FRMD6: variants seen among roughly 807,000 people sequenced by gnomAD.
FRMD6 encodes FERM domain containing 6.
In FRMD6, 37 loss-of-function variants were observed where a neutral mutation model predicts 73.2. That is an observed-to-expected ratio of 0.51 (90% CI 0.39 to 0.66). The LOEUF (loss-of-function observed/expected upper bound fraction) is 0.66, where lower values mean the gene tolerates loss of function less well. Among genes scored for constraint, FRMD6 ranks in the 30% least tolerant of loss-of-function variants. The pLI, the probability that FRMD6 is intolerant of heterozygous loss-of-function variation, is 0.00. For missense variants in FRMD6, 714 were observed against 780.5 expected, an observed-to-expected ratio of 0.91 and a Z score of 1.02; for synonymous variants, 273 against 282.2, an observed-to-expected ratio of 0.97 and a Z score of 0.33.
intron 4 of FRMD6, among the ~76,000 whole-genome samples, chr14:51,702,010 C>T (rs1896354372): frequency 6.6e-6 from 1 of 151,918 alleles, no homozygotes; most frequent in Non-Finnish European, 1.5e-5. Context: ...CCTAGATCCT[C>T]TAATTTGTAT....
chr14:51,523,900 C>A (rs12435453), intron 1 of FRMD6, among the ~76,000 whole-genome samples: 18,014 of 152,092 alleles, frequency 0.12, 1,180 homozygotes, highest in East Asian at 0.26. Flanking sequence ...TAGTAAAATG[C>A]CTATGGTGGA....
At chr14:51,400,585 C>T in the FRMD6 span, among the ~76,000 whole-genome samples, 3 of 152,206 alleles carry the variant, frequency 2.0e-5, no homozygotes, top group South Asian at 6.2e-4. Context: ...ATAAAAATCT[C>T]TCTTTTGTAA....
chr14:51,460,295 G>A, the FRMD6 span, among the ~76,000 whole-genome samples: 1 of 152,140 alleles, frequency 6.6e-6, no homozygotes, highest in Admixed American at 6.5e-5. Flanking sequence ...GACCTTGTCT[G>A]GTATGTAAGA....
At chr14:51,583,560 A>T (rs73289117) in intron 2 of FRMD6, among the ~76,000 whole-genome samples, 6,601 of 152,230 alleles carry the variant, frequency 0.043, 292 homozygotes, top group African/African-American at 0.12. Context: ...ATATTAACAC[A>T]TATATTAAAC....
At chr14:51,440,771 T>C in the FRMD6 span, among the ~76,000 whole-genome samples, 6 of 152,346 alleles carry the variant, frequency 3.9e-5, 1 homozygote, top group South Asian at 1.2e-3. Flanking sequence ...TCAAGCACTG[T>C]GCAAAATATT....
intron 1 of FRMD6, among the ~76,000 whole-genome samples, chr14:51,568,845 C>CTTTT (rs538670816): frequency 7.3e-6 from 1 of 137,414 alleles, no homozygotes; most frequent in Non-Finnish European, 1.6e-5. Context: ...AAGGCTTTTA[C>CTTTT]TTTTTTTTTT....
intron 1 of FRMD6, among the ~76,000 whole-genome samples, chr14:51,539,380 T>C (rs1462722249): frequency 6.6e-6 from 1 of 152,190 alleles, no homozygotes; most frequent in Non-Finnish European, 1.5e-5. Context: ...TTTTGACCAA[T>C]GTCTATTTCC....
intron 1 of FRMD6, chr14:51,523,050 T>C (rs923691837): frequency 6.6e-6 from 1 of 152,210 alleles, no homozygotes; most frequent in African/African-American, 2.4e-5. Context: ...TAATCATCTC[T>C]GGGAATTAGA....
chr14:51,511,183 A>C (rs1179964559), intron 1 of FRMD6, among the ~76,000 whole-genome samples: 1 of 152,234 alleles, frequency 6.6e-6, no homozygotes, highest in Non-Finnish European at 1.5e-5. Context: ...AGACAGAGAC[A>C]GATTTTTTAA....
the FRMD6 span, among the ~76,000 whole-genome samples, chr14:51,476,154 G>A: frequency 6.6e-6 from 1 of 152,092 alleles, no homozygotes; most frequent in Non-Finnish European, 1.5e-5. Context: ...ACATCCATTC[G>A]GAGACTCTGG....
At chr14:51,427,478 G>A in the FRMD6 span, among the ~76,000 whole-genome samples, 1 of 152,164 alleles carries the variant, frequency 6.6e-6, no homozygotes. Flanking sequence ...TAGAACTTTG[G>A]GAATATGTGA....
the FRMD6 span, among the ~76,000 whole-genome samples, chr14:51,421,618 A>C: frequency 6.6e-6 from 1 of 152,238 alleles, no homozygotes; most frequent in Non-Finnish European, 1.5e-5. Context: ...CCTGAGTGCT[A>C]TAGGGAACCT....
At chr14:51,533,468 T>C (rs1378920587) in intron 1 of FRMD6, among the ~76,000 whole-genome samples, 1 of 152,202 alleles carries the variant, frequency 6.6e-6, no homozygotes, top group Non-Finnish European at 1.5e-5. Context: ...AGCAACACAC[T>C]GGTGTTTTTA....
chr14:51,638,121 A>T (rs1406990800), intron 2 of FRMD6, among the ~76,000 whole-genome samples: 1 of 152,178 alleles, frequency 6.6e-6, no homozygotes, highest in Non-Finnish European at 1.5e-5. Context: ...TTGTGTCTAC[A>T]AAAATTTACA....
At chr14:51,487,688 A>T (rs979074063), upstream of FRMD6, among the ~76,000 whole-genome samples, 1 of 152,238 alleles carries the variant, frequency 6.6e-6, no homozygotes, top group Admixed American at 6.5e-5. Context: ...CAGAGAAAGG[A>T]TGAAAGATTT....
chr14:51,478,730 G>T, the FRMD6 span, among the ~76,000 whole-genome samples: 1 of 151,950 alleles, frequency 6.6e-6, no homozygotes, highest in Non-Finnish European at 1.5e-5. Flanking sequence ...GACATATTTT[G>T]GTATCCTTAA....
chr14:51,606,754 A>G (rs1468575173), intron 2 of FRMD6, among the ~76,000 whole-genome samples: 1 of 152,156 alleles, frequency 6.6e-6, no homozygotes. Context: ...GTGACACGCC[A>G]TACACAAGCT....
intron 1 of FRMD6, among the ~76,000 whole-genome samples, chr14:51,665,663 T>G (rs922262803): frequency 1.3e-5 from 2 of 152,234 alleles, no homozygotes; most frequent in Non-Finnish European, 2.9e-5. Context: ...CTGGGTTAAC[T>G]ATTTGCTAAT....
intron 2 of FRMD6, among the ~76,000 whole-genome samples, chr14:51,625,592 G>A (rs994496125): frequency 2.6e-5 from 4 of 152,144 alleles, no homozygotes; most frequent in Admixed American, 6.5e-5. Flanking sequence ...GTGAGCTGCT[G>A]TAAGATAAAT....
Sources: gnomAD v4.1 joint callset for allele counts (sites outside exome capture counted in the v4.1 genomes callset) on GRCh38, gnomAD v4.1.1 for gene constraint, MANE v1.5 for transcripts, NCBI Gene and HGNC (gene_info 2026-07-23, HGNC 2026-07-21) for gene names.